UTP20: variants seen among roughly 807,000 people sequenced by gnomAD.
UTP20 encodes UTP20 small subunit processome component, also known as small subunit processome component 20 homolog.
Under a neutral mutation model 329.5 loss-of-function variants are expected in UTP20, and 164 were observed. The observed-to-expected ratio is 0.50, with a 90% CI of 0.44 to 0.57. UTP20 has a LOEUF of 0.57. Among genes scored for constraint, UTP20 ranks in the 20% least tolerant of loss-of-function variants. The pLI is 0.00. For missense variants in UTP20, 3,055 were observed against 3,284.2 expected (o/e 0.93, Z 1.71); for synonymous variants, 1,151 against 1,159.3 (o/e 0.99, Z 0.14).
chr12:101,377,362 C>T (rs554878534), intron 56 of UTP20, among the ~76,000 whole-genome samples: 5 of 151,974 alleles, frequency 3.3e-5, no homozygotes, highest in Non-Finnish European at 7.4e-5. Flanking sequence ...GATGGAGTCT[C>T]ACTCTGTCGC....
At chr12:101,377,641 TTTC>T (rs1870518500) in intron 56 of UTP20, among the ~76,000 whole-genome samples, 1 of 152,156 alleles carries the variant, frequency 6.6e-6, no homozygotes, top group Admixed American at 6.5e-5. Context: ...AAAACTTTTT[TTTC>T]TTTTCTTTTT....
chr12:101,382,840 A>G (rs1189832962), intron 58 of UTP20, among the ~76,000 whole-genome samples: 1 of 147,874 alleles, frequency 6.8e-6, no homozygotes, highest in African/African-American at 2.5e-5. Flanking sequence ...TAACAGAGTG[A>G]GGCTCTGTCT....
At chr12:101,359,976 G>A (rs1311576514) in intron 43 of UTP20, among the ~76,000 whole-genome samples, 2 of 152,194 alleles carry the variant, frequency 1.3e-5, no homozygotes, top group Non-Finnish European at 2.9e-5. Context: ...ATGGTATATT[G>A]AGAACTGGAC....
intron 15 of UTP20, among the ~76,000 whole-genome samples, chr12:101,305,691 C>T (rs1189073195): frequency 1.3e-5 from 2 of 151,304 alleles, no homozygotes; most frequent in Non-Finnish European, 2.9e-5. Context: ...GCATATTCTG[C>T]TCCCACCTCT....
chr12:101,332,109 G>A (rs960380622), intron 27 of UTP20, among the ~76,000 whole-genome samples: 15 of 152,022 alleles, frequency 9.9e-5, no homozygotes, highest in South Asian at 2.1e-4. Flanking sequence ...AGTCCGAGGC[G>A]GGCAGATCAC....
chr12:101,316,922 A>G (rs895369034), intron 21 of UTP20, among the ~76,000 whole-genome samples: 1 of 152,220 alleles, frequency 6.6e-6, no homozygotes, highest in African/African-American at 2.4e-5. Context: ...TAAAACATAA[A>G]GACTCACTGA....
chr12:101,340,588 T>A lies in UTP20; in HGVS notation c.4079T>A (p.Leu1360His). The change falls in exon 32 of 62, where the codon CTC (leucine) becomes CAC (histidine). Residue 1360 changes from leucine to histidine, a missense_variant. Transcript: ENST00000261637. ...CTCATTACGCTTCTCCTTCCATTCC[T>A]CCACCGTGGCAATATTGCTGAGGTA... Reference protein sequence around the residue: ...SVLITLLLPFLHRGNIAEDTE... With the variant: ...SVLITLLLPFHHRGNIAEDTE... The A allele has an allele frequency of 6.2e-7, 1 of 1,611,582 alleles. No individual in the cohort carries two copies. Among genetic ancestry groups the A allele is most frequent in the Non-Finnish European group, 8.5e-7 (1 of 1,178,658 alleles).
Position 101,371,715 on chromosome 12 carries a change from GTAGAGATGA to G in UTP20, c.6798+548_6798+556del, listed in dbSNP as rs766811946. On this transcript the variant is annotated intron_variant, in intron 51 of 61. Coordinates refer to ENST00000261637, the MANE Select transcript of UTP20 (RefSeq NM_014503.3). The stretch of plus-strand genomic sequence containing the variant: ...CACCCAGCTAATTTTTGTATTTTTA[GTAGAGATGA>G]GGTTTCACCATGTTGGCCAGGATGG... Among the ~76,000 whole-genome samples, 7 of 151,902 alleles carry G rather than the reference GTAGAGATGA, an allele frequency of 4.6e-5. No homozygotes were observed. In the South Asian group the frequency reaches 8.4e-4, roughly 18 times the overall value.
chr12:101,319,313 C>T (rs1370905850), intron 22 of UTP20, among the ~76,000 whole-genome samples: 2 of 152,144 alleles, frequency 1.3e-5, no homozygotes, highest in Non-Finnish European at 2.9e-5. Context: ...TGAGCACACA[C>T]TGAATGATTT....
chr12:101,288,080 T>A (rs1565784263), intron 5 of UTP20, among the ~76,000 whole-genome samples: 1 of 152,224 alleles, frequency 6.6e-6, no homozygotes, highest in Non-Finnish European at 1.5e-5. Flanking sequence ...TCCAGTCTCT[T>A]TCATGCCTGT....
At chr12:101,301,920 GTATT>G (rs367861960) in intron 14 of UTP20, among the ~76,000 whole-genome samples, 106 of 151,842 alleles carry the variant, frequency 7.0e-4, no homozygotes, top group Non-Finnish European at 1.1e-3. Context: ...CTACTTCTGA[GTATT>G]TATTTATTTA....
At chr12:101,378,667 TGA>T (rs1870550492) in intron 56 of UTP20, among the ~76,000 whole-genome samples, 2 of 151,314 alleles carry the variant, frequency 1.3e-5, no homozygotes, top group Non-Finnish European at 1.5e-5. Context: ...TGTAGTGAGC[TGA>T]GAGTACACCA....
At chr12:101,335,665 T>G (rs1350746962) in intron 29 of UTP20, among the ~76,000 whole-genome samples, 2 of 152,228 alleles carry the variant, frequency 1.3e-5, no homozygotes, top group East Asian at 3.8e-4. Flanking sequence ...AATCATAGTC[T>G]TGGTTTTTAC....
At chr12:101,385,859 C>A in intron 61 of UTP20, 109 bp from the exon 62 acceptor site, 1 of 1,462,498 alleles carries the variant, frequency 6.8e-7, no homozygotes, top group Non-Finnish European at 9.1e-7. Context: ...GCTGGGACTT[C>A]AGATTTTCTT....
At chr12:101,302,721 T>C (rs763747061) in intron 15 of UTP20, among the ~76,000 whole-genome samples, 168 bp downstream of exon 15, 1 of 152,256 alleles carries the variant, frequency 6.6e-6, no homozygotes, top group East Asian at 1.9e-4. Context: ...AATAAGTACA[T>C]TTGACACAGT....
chr12:101,354,306 T>TTAGTCATC (rs1869643224), intron 40 of UTP20, among the ~76,000 whole-genome samples: 1 of 148,570 alleles, frequency 6.7e-6, no homozygotes, highest in Non-Finnish European at 1.5e-5. Context: ...CAATCTGCAG[T>TTAGTCATC]TAGTCATCTG....
At position 101,365,462 on chromosome 12, in the gene UTP20, T is replaced by G. The variant is rs201490996; in HGVS notation, c.5962T>G (p.Leu1988Val). Reference protein sequence around the residue: ...TKLILPLKEILQNTTSLKLAR... With the variant: ...TKLILPLKEIVQNTTSLKLAR... ...GACATTTATGTTTTGCCTTTAGATCTTACAAAATACCACGAGTTTGAAACT... is the reference window on the plus strand; with the variant it reads ...GACATTTATGTTTTGCCTTTAGATCGTACAAAATACCACGAGTTTGAAACT... Residue 1988 changes from leucine (L) to valine (V), a missense_variant, in exon 46 of 62, where the codon TTA becomes GTA. By Grantham distance (32) the Leu-to-Val change is conservative. Coordinates refer to ENST00000261637, the MANE Select transcript of UTP20 (RefSeq NM_014503.3). 6.2e-7 allele frequency: 1 copy of G among 1,601,920 alleles called. No homozygotes were observed. The highest frequency in any genetic ancestry group is 1.8e-5 in the Admixed American group (1 of 56,682).
At chr12:101,330,486 A>G (rs1243136911) in intron 27 of UTP20, among the ~76,000 whole-genome samples, 1 of 152,208 alleles carries the variant, frequency 6.6e-6, no homozygotes, top group Non-Finnish European at 1.5e-5. Flanking sequence ...CAGGTGAGTA[A>G]TAAGGACTGT....
chr12:101,286,645 G>T (rs1021714292), intron 5 of UTP20, 136 bp downstream of exon 5: 2 of 658,442 alleles, frequency 3.0e-6, no homozygotes, highest in Non-Finnish European at 4.5e-6. Flanking sequence ...AGCCAAAGTG[G>T]TCCACAATCT....
Sources: allele counts gnomAD v4.1 joint callset (sites outside exome capture counted in the v4.1 genomes callset), GRCh38; gene constraint gnomAD v4.1.1; transcripts MANE v1.5; gene names NCBI Gene and HGNC (gene_info 2026-07-23, HGNC 2026-07-21).